EFNA5: variants seen among roughly 807,000 people sequenced by gnomAD.
EFNA5 encodes ephrin-A5.
A neutral mutation model predicts 22.9 loss-of-function variants in EFNA5; 5 were observed. The observed-to-expected ratio is 0.22, with a 90% confidence interval of 0.11 to 0.46. The LOEUF (loss-of-function observed/expected upper bound fraction) is 0.46, where lower values mean the gene tolerates loss of function less well. EFNA5 is among the 20% of genes least tolerant of loss of function. The pLI is 0.99. For synonymous variants in EFNA5, 113 were observed against 112.2 expected (o/e 1.01, Z -0.04); for missense variants, 237 against 293.3 (o/e 0.81, Z 1.40).
intron 2 of EFNA5, among the ~76,000 whole-genome samples, chr5:107,413,444 G>A (rs1401290003): frequency 6.6e-6 from 1 of 151,988 alleles, no homozygotes. Flanking sequence ...AAGCACAAAA[G>A]GCACAGACAA....
intron 2 of EFNA5, among the ~76,000 whole-genome samples, chr5:107,402,642 A>G (rs1748115876): frequency 6.6e-6 from 1 of 152,220 alleles, no homozygotes; most frequent in African/African-American, 2.4e-5. Context: ...GTGTGGATAC[A>G]CTACTGTATA....
intron 1 of EFNA5, among the ~76,000 whole-genome samples, chr5:107,639,665 G>A (rs1750459833): frequency 6.6e-6 from 1 of 152,122 alleles, no homozygotes; most frequent in Admixed American, 6.5e-5. Flanking sequence ...GCTGGTAGTA[G>A]TATTTTTTTT....
chr5:107,670,738 A>T lies in EFNA5; in HGVS notation c.-125T>A. The T allele has an allele frequency of 7.2e-7, 1 of 1,384,672 alleles. No individual in the cohort carries two copies. Among genetic ancestry groups the T allele is most frequent in the South Asian group, 1.3e-5 (1 of 74,884 alleles). 85.8% of individuals were successfully genotyped at this position (1,384,672 alleles called of 1,614,324 possible). A position where few individuals can be genotyped will look rare whatever the true frequency, so the allele number is the denominator to read the frequency against. On this transcript the variant is annotated 5_prime_UTR_variant, in exon 1 of 5. Transcript: ENST00000333274. The stretch of plus-strand genomic sequence containing the variant: ...GCCAAATAAATATGAATAAATAAAA[A>T]TGAAAGTGGGCGAGAAAGGAAAGAG...
chr5:107,662,708 C>A (rs1461867786), intron 1 of EFNA5, among the ~76,000 whole-genome samples: 1 of 151,118 alleles, frequency 6.6e-6, no homozygotes, highest in African/African-American at 2.4e-5. Context: ...GCATCTTAAC[C>A]CCAACTGCTT....
chr5:107,381,167 A>G lies in EFNA5; in HGVS notation c.*88T>C. ...TGACATCTGCCAAAACCCAATAACA[A>G]GTCCCTTCTTAGGATGAGCAGTTAG... On this transcript the variant is annotated 3_prime_UTR_variant, in exon 5 of 5. Coordinates refer to ENST00000333274, the MANE Select transcript of EFNA5 (RefSeq NM_001962.3). The G allele has an allele frequency of 6.7e-7, 1 of 1,489,200 alleles. No individual in the cohort carries two copies. The highest frequency in any genetic ancestry group is 9.0e-7 in the Non-Finnish European group (1 of 1,105,062). The allele number at this position is 1,489,200 out of a possible 1,614,324, so 92.2% of individuals were successfully genotyped here. A position where few individuals can be genotyped will look rare whatever the true frequency, so the allele number is the denominator to read the frequency against.
intron 1 of EFNA5, among the ~76,000 whole-genome samples, chr5:107,452,738 T>A (rs181369896): frequency 6.6e-6 from 1 of 152,194 alleles, no homozygotes; most frequent in Admixed American, 6.6e-5. Context: ...TCAGAAAAAT[T>A]TTTGAAAACT....
At chr5:107,407,749 A>G (rs1034448963) in intron 2 of EFNA5, among the ~76,000 whole-genome samples, 4 of 152,204 alleles carry the variant, frequency 2.6e-5, no homozygotes, top group African/African-American at 9.7e-5. Flanking sequence ...GTGCACGCAA[A>G]ATCAATGTGT....
intron 2 of EFNA5, among the ~76,000 whole-genome samples, chr5:107,403,185 TTA>T (rs1748128864): frequency 6.6e-6 from 1 of 152,134 alleles, no homozygotes; most frequent in Non-Finnish European, 1.5e-5. Context: ...GAAGGAGTGT[TTA>T]CTATACCCAA....
chr5:107,523,110 A>G (rs1178835114), intron 1 of EFNA5, among the ~76,000 whole-genome samples: 1 of 152,190 alleles, frequency 6.6e-6, no homozygotes, highest in Non-Finnish European at 1.5e-5. Flanking sequence ...GTTTATTTTA[A>G]CCAACTATGG....
intron 1 of EFNA5, among the ~76,000 whole-genome samples, chr5:107,644,034 A>C (rs1182872186): frequency 2.0e-5 from 3 of 152,156 alleles, no homozygotes; most frequent in Non-Finnish European, 1.5e-5. Context: ...GAAAAGAATT[A>C]GAGTAGCTCT....
chr5:107,575,431 CT>C (rs1490121416), intron 1 of EFNA5, among the ~76,000 whole-genome samples: 4 of 152,098 alleles, frequency 2.6e-5, no homozygotes, highest in African/African-American at 9.7e-5. Context: ...GGGGAAAAAC[CT>C]TTTCTAGTAA....
At chr5:107,604,658 G>A (rs1054792201) in intron 1 of EFNA5, among the ~76,000 whole-genome samples, 17 of 152,122 alleles carry the variant, frequency 1.1e-4, no homozygotes, top group African/African-American at 3.4e-4. Context: ...CCCACTTGCC[G>A]TGCAGACATG....
At position 107,601,970 on chromosome 5, in the gene EFNA5, C is replaced by T. The variant is rs1749605803; in HGVS notation, c.125+68519G>A. Among the ~76,000 whole-genome samples, 5 of 152,188 alleles carry T rather than the reference C, an allele frequency of 3.3e-5. No homozygotes were observed. In the South Asian group the frequency reaches 1.0e-3, roughly 32 times the overall value. ...CTTTCTAGGAACCAATTATTTTCCC[C>T]TTTCCAGGCTTATTGCATGTATTTA... On this transcript the variant is annotated intron_variant, in intron 1 of 4. Coordinates refer to ENST00000333274, the MANE Select transcript of EFNA5 (RefSeq NM_001962.3).
intron 1 of EFNA5, among the ~76,000 whole-genome samples, chr5:107,437,962 T>C (rs1749159982): frequency 6.6e-6 from 1 of 152,178 alleles, no homozygotes; most frequent in Non-Finnish European, 1.5e-5. Flanking sequence ...GAATGAAAGT[T>C]TCTCTCTTGT....
At chr5:107,382,911 G>C (rs990125083) in intron 4 of EFNA5, among the ~76,000 whole-genome samples, 4 of 152,076 alleles carry the variant, frequency 2.6e-5, no homozygotes, top group Non-Finnish European at 4.4e-5. Context: ...CCCCTTAATG[G>C]GTTAACTAAC....
intron 1 of EFNA5, among the ~76,000 whole-genome samples, chr5:107,667,952 A>C (rs1751111204): frequency 1.3e-5 from 2 of 152,220 alleles, no homozygotes; most frequent in African/African-American, 4.8e-5. Flanking sequence ...CTTATTTGGC[A>C]TGTGGCCTCT....
At chr5:107,415,631 G>T (rs1243380442) in intron 2 of EFNA5, among the ~76,000 whole-genome samples, 1 of 152,172 alleles carries the variant, frequency 6.6e-6, no homozygotes, top group African/African-American at 2.4e-5. Context: ...TAAAATCTGG[G>T]TGCTGCACAT....
chr5:107,629,815 G>C (rs1272336152), intron 1 of EFNA5, among the ~76,000 whole-genome samples: 1 of 152,120 alleles, frequency 6.6e-6, no homozygotes, highest in Non-Finnish European at 1.5e-5. Context: ...CCAGCACTTT[G>C]GGAGGCTGAG....
chr5:107,569,559 T>TTATATATATATATATATATATATTTATA (rs1748743144), intron 1 of EFNA5, among the ~76,000 whole-genome samples: 1 of 42,528 alleles, frequency 2.4e-5, no homozygotes, highest in African/African-American at 1.0e-4. Flanking sequence ...ATATATATAT[T>TTATATATATATATATATATATATTTATA]TATATATATA....
Sources: allele counts gnomAD v4.1 joint callset (sites outside exome capture counted in the v4.1 genomes callset), GRCh38; gene constraint gnomAD v4.1.1; transcripts MANE v1.5; gene names NCBI Gene and HGNC (gene_info 2026-07-23, HGNC 2026-07-21).